Variants in ANKRD30BL observed in about 807,000 individuals in gnomAD.
ANKRD30BL encodes the protein ankyrin repeat domain 30B like.
ANKRD30BL carries 20 observed loss-of-function variants against 18.4 expected under a neutral mutation model. The ratio of observed to expected loss-of-function variants is 1.09; its 90% confidence interval spans 0.77 to 1.58. The LOEUF (loss-of-function observed/expected upper bound fraction) is 1.58, where lower values mean the gene tolerates loss of function less well. ANKRD30BL is among the 40% of genes most tolerant of loss of function. The pLI, the probability that ANKRD30BL is intolerant of heterozygous loss-of-function variation, is 0.00. For missense variants in ANKRD30BL, 224 were observed against 268.6 expected, an observed-to-expected ratio of 0.83 and a Z score of 1.16; for synonymous variants, 72 against 100.9, an observed-to-expected ratio of 0.71 and a Z score of 1.72.
At chr2:132,196,180 A>G (rs992745824) in intron 1 of ANKRD30BL, among the ~76,000 whole-genome samples, 19 of 151,958 alleles carry the variant, frequency 1.3e-4, no homozygotes, top group Non-Finnish European at 8.8e-5. Flanking sequence ...AAAAAATATA[A>G]ATAAAAACAG....
At chr2:132,207,051 G>A (rs1219223083) in intron 1 of ANKRD30BL, among the ~76,000 whole-genome samples, 1 of 151,990 alleles carries the variant, frequency 6.6e-6, no homozygotes, top group Non-Finnish European at 1.5e-5. Context: ...AGCTCATCTA[G>A]CATATCATAA....
intron 1 of ANKRD30BL, among the ~76,000 whole-genome samples, chr2:132,231,386 G>A (rs1243741432): frequency 2.6e-5 from 4 of 152,218 alleles, no homozygotes; most frequent in South Asian, 2.1e-4. Flanking sequence ...CAGCGTGAGC[G>A]ACGCAGAAGA....
At chr2:132,233,284 G>A (rs1680070666) in intron 1 of ANKRD30BL, among the ~76,000 whole-genome samples, 1 of 150,574 alleles carries the variant, frequency 6.6e-6, no homozygotes, top group Non-Finnish European at 1.5e-5. Context: ...CAACTAATGA[G>A]CAAAATAACC....
exon 1 of ANKRD30BL, chr2:132,257,630 C>T (rs1680900814): frequency 5.7e-6 from 1 of 174,368 alleles, no homozygotes; most frequent in Non-Finnish European, 1.2e-5. Context: ...TCCGGTACCC[C>T]AAAGGCACAC....
At chr2:132,162,209 C>G (rs562247646), upstream of ANKRD30BL, among the ~76,000 whole-genome samples, 540 of 152,238 alleles carry the variant, frequency 3.5e-3, 8 homozygotes, top group African/African-American at 0.012. Flanking sequence ...TCCAGGGTGG[C>G]GCTGAGCGTC....
intron 1 of ANKRD30BL, among the ~76,000 whole-genome samples, chr2:132,219,449 G>A (rs1208790220): frequency 6.6e-6 from 1 of 151,698 alleles, no homozygotes; most frequent in Non-Finnish European, 1.5e-5. Flanking sequence ...TGGACATTTG[G>A]AGGGCTTTAA....
chr2:132,208,895 C>T (rs1451478140), intron 1 of ANKRD30BL, among the ~76,000 whole-genome samples: 2 of 148,136 alleles, frequency 1.4e-5, no homozygotes, highest in East Asian at 4.0e-4. Context: ...TGTGCATTCA[C>T]CTCACAGAGT....
At chr2:132,181,572 A>G (rs918626293) in intron 1 of ANKRD30BL, among the ~76,000 whole-genome samples, 6 of 152,330 alleles carry the variant, frequency 3.9e-5, no homozygotes, top group South Asian at 2.1e-4. Flanking sequence ...CACACTCACT[A>G]TAAGAGACAA....
chr2:132,253,529 G>A lies in ANKRD30BL; in HGVS notation n.441+4000C>T, dbSNP rs556777259. Among the ~76,000 whole-genome samples, 57 of 152,306 alleles carry A rather than the reference G, an allele frequency of 3.7e-4. No individual in the cohort carries two copies. The East Asian group carries it at 0.01, about 28-fold the overall frequency. On this transcript the variant is annotated intron_variant and non_coding_transcript_variant, in intron 1 of 4. Transcript: ENST00000470729. ...GCCCAGGGGTTCCCGCCCCCACAGA[G>A]CGGGGTACAGGCCACACGTGCAGCA...
rs1195642076 is a variant in ANKRD30BL at position 132,157,032 on chromosome 2, T to G, written c.448A>C (p.Asn150His). The change falls in exon 3 of 6, where the codon AAT becomes CAT. Residue 150 changes from asparagine to histidine, a missense_variant. By Grantham distance (68) the Asn-to-His change is moderately conservative. Coordinates refer to ENST00000409867, the MANE Select transcript of ANKRD30BL (RefSeq NM_001358416.1). ...AGCAATTTTGCCACCACTGACAAATTCTCACTGTTAACAGCATAATGGACA... is the reference window on the plus strand; with the variant it reads ...AGCAATTTTGCCACCACTGACAAATGCTCACTGTTAACAGCATAATGGACA... Reference protein sequence around the residue: ...TAVHYAVNSENLSVVAKLLSC... With the variant: ...TAVHYAVNSEHLSVVAKLLSC... 2.2e-6 allele frequency: 3 copies of G among 1,376,146 alleles called. No individual in the cohort carries two copies. The highest frequency in any genetic ancestry group is 3.0e-6 in the Non-Finnish European group (3 of 991,194). 85.2% of individuals were successfully genotyped at this position (1,376,146 alleles called of 1,614,324 possible).
intron 1 of ANKRD30BL, among the ~76,000 whole-genome samples, chr2:132,234,954 C>T (rs1346456370): frequency 1.7e-4 from 26 of 152,082 alleles, no homozygotes; most frequent in African/African-American, 2.2e-4. Flanking sequence ...ACTGGCAAAA[C>T]GAATCCAGCA....
intron 1 of ANKRD30BL, among the ~76,000 whole-genome samples, chr2:132,241,391 T>A (rs1445156883): frequency 2.0e-5 from 3 of 152,014 alleles, no homozygotes; most frequent in Middle Eastern, 3.4e-3. Context: ...TTCTTTGTGA[T>A]GTTTCTATTC....
intron 1 of ANKRD30BL, among the ~76,000 whole-genome samples, chr2:132,226,892 C>G (rs1270185691): frequency 6.6e-6 from 1 of 151,998 alleles, no homozygotes; most frequent in African/African-American, 2.4e-5. Context: ...CAGAAGCATT[C>G]TCAGAAACTT....
chr2:132,181,195 C>T (rs1480518238), intron 1 of ANKRD30BL, among the ~76,000 whole-genome samples: 1 of 151,758 alleles, frequency 6.6e-6, no homozygotes, highest in African/African-American at 2.4e-5. Context: ...TAAATGGGGC[C>T]GGGCATGGTG....
intron 1 of ANKRD30BL, among the ~76,000 whole-genome samples, chr2:132,230,279 G>A (rs1203599984): frequency 2.0e-5 from 3 of 151,980 alleles, no homozygotes; most frequent in African/African-American, 7.2e-5. Context: ...ACCGCTTTGA[G>A]GCCTTCATTG....
chr2:132,230,054 C>T (rs1297222021), intron 1 of ANKRD30BL, among the ~76,000 whole-genome samples: 6 of 151,470 alleles, frequency 4.0e-5, no homozygotes, highest in Non-Finnish European at 8.8e-5. Context: ...TGATAGAGCA[C>T]GTTTCAAACA....
chr2:132,191,324 T>A (rs1678845110), intron 1 of ANKRD30BL, among the ~76,000 whole-genome samples: 1 of 152,188 alleles, frequency 6.6e-6, no homozygotes, highest in Admixed American at 6.5e-5. Flanking sequence ...GTGAACCATT[T>A]ACAAATGTTT....
At chr2:132,228,492 CA>C (rs1193062412) in intron 1 of ANKRD30BL, among the ~76,000 whole-genome samples, 4 of 151,806 alleles carry the variant, frequency 2.6e-5, no homozygotes, top group Non-Finnish European at 5.9e-5. Flanking sequence ...ATTCATCTCA[CA>C]GAGTTAAAAC....
At chr2:132,256,943 C>G (rs745562479) in intron 1 of ANKRD30BL, 1 of 494,486 alleles carries the variant, frequency 2.0e-6, no homozygotes, top group Admixed American at 2.1e-5. Flanking sequence ...CACCTGGGAG[C>G]CCGCAGAGGG....
Sources: allele counts gnomAD v4.1 joint callset (sites outside exome capture counted in the v4.1 genomes callset), GRCh38; gene constraint gnomAD v4.1.1; transcripts MANE v1.5; gene names NCBI Gene and HGNC (gene_info 2026-07-23, HGNC 2026-07-21).